LRMDA: variants seen among roughly 807,000 people sequenced by gnomAD.
LRMDA encodes leucine-rich melanocyte differentiation-associated protein.
Under a neutral mutation model 29.8 loss-of-function variants are expected in LRMDA, and 18 were observed. That is an observed-to-expected ratio of 0.60 (90% CI 0.42 to 0.90). The LOEUF (loss-of-function observed/expected upper bound fraction) is 0.90. Among genes scored for constraint, LRMDA ranks in the 40% least tolerant of loss-of-function variants. The pLI is 0.00. For synonymous variants in LRMDA, 125 were observed against 109.4 expected (o/e 1.14, Z -0.89); for missense variants, 273 against 273.9 (o/e 1.00, Z 0.02).
At chr10:75,806,172 A>G (rs1843848647) in intron 2 of LRMDA, among the ~76,000 whole-genome samples, 1 of 152,174 alleles carries the variant, frequency 6.6e-6, no homozygotes, top group South Asian at 2.1e-4. Flanking sequence ...GGACAGAACT[A>G]AGCTGTGAGG....
At position 76,249,897 on chromosome 10, in the gene LRMDA, G is replaced by A. The variant is rs145200895; in HGVS notation, c.517-74504G>A. Among the ~76,000 whole-genome samples the A allele has an allele frequency of 2.9e-3, 441 of 152,310 alleles. 2 individuals carry two copies. Among genetic ancestry groups the A allele is most frequent in the Middle Eastern group, 6.8e-3 (2 of 294 alleles). ...AGCTCACTGCAACTTCAGCCTCCCA[G>A]GTTCAAGTGATTCTCTTGTCTCAGC... On this transcript the variant is annotated intron_variant, in intron 5 of 6. Coordinates refer to ENST00000611255, the MANE Select transcript of LRMDA (RefSeq NM_001305581.2).
chr10:75,827,669 A>G (rs1844270725), intron 2 of LRMDA, among the ~76,000 whole-genome samples: 1 of 152,280 alleles, frequency 6.6e-6, no homozygotes, highest in Non-Finnish European at 1.5e-5. Flanking sequence ...GATTTGTGCC[A>G]AAGAAAGACT....
intron 2 of LRMDA, among the ~76,000 whole-genome samples, chr10:75,566,975 CCCTA>C (rs907121668): frequency 1.3e-5 from 2 of 152,208 alleles, no homozygotes; most frequent in African/African-American, 4.8e-5. Context: ...TTGCTTCCTT[CCCTA>C]CCTATCAGTC....
At position 76,559,516 on chromosome 10, in the gene LRMDA, A is replaced by G. The variant is rs1208019442; in HGVS notation, c.*2228A>G. The G allele has an allele frequency of 2.0e-5, 3 of 152,176 alleles. No individual in the cohort carries two copies. Among genetic ancestry groups the G allele is most frequent in the Admixed American group, 1.3e-4 (2 of 15,278 alleles). The allele number at this position is 152,176 out of a possible 1,614,324, so 9.4% of individuals were successfully genotyped here. A position where few individuals can be genotyped will look rare whatever the true frequency, so the allele number is the denominator to read the frequency against. On this transcript the variant is annotated 3_prime_UTR_variant, in exon 7 of 7. Coordinates refer to ENST00000611255, the MANE Select transcript of LRMDA (RefSeq NM_001305581.2). ...TCAGCTTTGTTTCTCTTAAGCAGGG[A>G]TAGTGATAATGAAGTGCTGGGTTGG...
At chr10:76,434,856 G>A (rs1842229279) in intron 6 of LRMDA, among the ~76,000 whole-genome samples, 2 of 152,170 alleles carry the variant, frequency 1.3e-5, no homozygotes, top group Non-Finnish European at 2.9e-5. Flanking sequence ...CAACCATTAA[G>A]TGTCTGCTTG....
At chr10:76,226,700 G>T (rs1482856667) in intron 5 of LRMDA, among the ~76,000 whole-genome samples, 1 of 152,168 alleles carries the variant, frequency 6.6e-6, no homozygotes, top group Non-Finnish European at 1.5e-5. Flanking sequence ...CCCTCAACAT[G>T]TGGGGATTAC....
intron 5 of LRMDA, among the ~76,000 whole-genome samples, chr10:76,080,863 G>A (rs962112206): frequency 6.6e-5 from 10 of 152,124 alleles, no homozygotes; most frequent in African/African-American, 1.4e-4. Context: ...CTCTTCCGAC[G>A]GCCTGTGGCA....
intron 2 of LRMDA, among the ~76,000 whole-genome samples, chr10:75,524,244 A>G (rs1283044591): frequency 6.6e-6 from 1 of 152,022 alleles, no homozygotes. Flanking sequence ...TGGGGCCCCA[A>G]CTCTTATCAT....
At chr10:75,810,242 G>A (rs1409507441) in intron 2 of LRMDA, among the ~76,000 whole-genome samples, 1 of 152,230 alleles carries the variant, frequency 6.6e-6, no homozygotes, top group East Asian at 1.9e-4. Flanking sequence ...ACCCTACACA[G>A]CTACTTAAGT....
At chr10:75,513,770 C>G (rs561649183) in intron 2 of LRMDA, among the ~76,000 whole-genome samples, 2 of 152,266 alleles carry the variant, frequency 1.3e-5, no homozygotes, top group Admixed American at 6.5e-5. Flanking sequence ...CTCTTACAAA[C>G]GAGCCTTGTG....
chr10:76,070,904 T>TG (rs1328060364), intron 5 of LRMDA, among the ~76,000 whole-genome samples: 1 of 151,990 alleles, frequency 6.6e-6, no homozygotes, highest in African/African-American at 2.4e-5. Flanking sequence ...GGTGAAGGCA[T>TG]GGGAGGAGTA....
At chr10:76,074,595 A>G (rs1316782847) in intron 5 of LRMDA, among the ~76,000 whole-genome samples, 1 of 152,152 alleles carries the variant, frequency 6.6e-6, no homozygotes, top group African/African-American at 2.4e-5. Flanking sequence ...CCAGAGACCC[A>G]TGGGAGACTG....
At chr10:75,832,233 G>C (rs1844358292) in intron 2 of LRMDA, among the ~76,000 whole-genome samples, 1 of 152,124 alleles carries the variant, frequency 6.6e-6, no homozygotes, top group Admixed American at 6.5e-5. Context: ...CCTCTTGAAG[G>C]CTTTGCTGCT....
intron 2 of LRMDA, among the ~76,000 whole-genome samples, chr10:75,828,342 T>G (rs748329772): frequency 4.6e-5 from 7 of 152,232 alleles, no homozygotes; most frequent in Non-Finnish European, 8.8e-5. Flanking sequence ...TTTATAATTT[T>G]CCTATTTTAT....
At chr10:75,616,476 A>C (rs1841103493) in intron 2 of LRMDA, among the ~76,000 whole-genome samples, 1 of 152,186 alleles carries the variant, frequency 6.6e-6, no homozygotes, top group African/African-American at 2.4e-5. Flanking sequence ...TGCTATAGAG[A>C]TATGGCAAAA....
chr10:75,514,362 C>T (rs1380370448), intron 2 of LRMDA, among the ~76,000 whole-genome samples: 1 of 151,396 alleles, frequency 6.6e-6, no homozygotes. Context: ...TGTCAGCCTC[C>T]AAATGTCCTC....
At chr10:75,469,116 T>C (rs1844694683) in intron 2 of LRMDA, among the ~76,000 whole-genome samples, 1 of 152,080 alleles carries the variant, frequency 6.6e-6, no homozygotes, top group Non-Finnish European at 1.5e-5. Context: ...GAAAATGGGT[T>C]TCCCTGCCAA....
At chr10:76,475,154 T>C (rs749390568) in intron 6 of LRMDA, among the ~76,000 whole-genome samples, 19 of 151,606 alleles carry the variant, frequency 1.3e-4, no homozygotes, top group Non-Finnish European at 2.4e-4. Context: ...ACCAAAAGAA[T>C]AGTGGTTGCT....
chr10:75,603,832 G>A (rs932654793), intron 2 of LRMDA, among the ~76,000 whole-genome samples: 3 of 152,054 alleles, frequency 2.0e-5, no homozygotes, highest in African/African-American at 7.2e-5. Flanking sequence ...TTGTTTTTTT[G>A]ATCATAAAAT....
Sources: allele counts gnomAD v4.1 joint callset (sites outside exome capture counted in the v4.1 genomes callset), GRCh38; gene constraint gnomAD v4.1.1; transcripts MANE v1.5; gene names NCBI Gene and HGNC (gene_info 2026-07-23, HGNC 2026-07-21).